TYW1B: variants seen among roughly 807,000 people sequenced by gnomAD.
TYW1B encodes the protein tRNA-yW synthesizing protein 1 homolog B, also known as S-adenosyl-L-methionine-dependent tRNA 4-demethylwyosine synthase TYW1B.
A neutral mutation model predicts 86.9 loss-of-function variants in TYW1B; 73 were observed. The observed-to-expected ratio is 0.84, with a 90% CI of 0.70 to 1.02. The LOEUF (loss-of-function observed/expected upper bound fraction) is 1.02. Ranked by LOEUF, TYW1B falls within the 50% of genes least tolerant of loss-of-function variation. TYW1B has a pLI of 0.00. For missense variants in TYW1B, 637 were observed against 827.4 expected (o/e 0.77, Z 2.82); for synonymous variants, 248 against 292.8 (o/e 0.85, Z 1.56).
chr7:72,719,568 T>C (rs370377108), intron 9 of TYW1B, among the ~76,000 whole-genome samples: 2 of 132,012 alleles, frequency 1.5e-5, no homozygotes, highest in Admixed American at 7.9e-5. Context: ...GAGGCGGAGG[T>C]TGCAGTGAAC....
chr7:72,777,396 C>T lies in TYW1B; in HGVS notation c.964+20G>A, dbSNP rs556748876. ...GCCTAAGACTATAGTCATATAACAA[C>T]AATTCTTGAAGATTTTCACCTTGTT... On this transcript the variant is annotated intron_variant, in intron 7 of 13. Coordinates refer to ENST00000620995, the MANE Select transcript of TYW1B (RefSeq NM_001145440.3). 25 of 1,612,224 alleles carry T rather than the reference C, an allele frequency of 1.6e-5. No individual in the cohort carries two copies. Among genetic ancestry groups the T allele is most frequent in the Non-Finnish European group, 2.0e-5 (24 of 1,178,986 alleles).
At chr7:72,712,873 A>G (rs1554455041) in intron 10 of TYW1B, among the ~76,000 whole-genome samples, 1 of 152,118 alleles carries the variant, frequency 6.6e-6, no homozygotes, top group Non-Finnish European at 1.5e-5. Flanking sequence ...TCTTTCACAC[A>G]TTCTGTGGTC....
chr7:72,714,811 G>A (rs1786747943), intron 9 of TYW1B, among the ~76,000 whole-genome samples: 1 of 152,164 alleles, frequency 6.6e-6, no homozygotes, highest in South Asian at 2.1e-4. Flanking sequence ...CAGCTACTCG[G>A]GAGGCTGAGG....
chr7:72,713,180 A>G (rs1554455137), intron 10 of TYW1B, among the ~76,000 whole-genome samples: 1 of 151,354 alleles, frequency 6.6e-6, no homozygotes, highest in African/African-American at 2.4e-5. Flanking sequence ...AGGCACCTGT[A>G]GACCCAGCTA....
chr7:72,768,258 T>A (rs1344961917), intron 7 of TYW1B, among the ~76,000 whole-genome samples: 15 of 151,544 alleles, frequency 9.9e-5, no homozygotes, highest in African/African-American at 1.7e-4. Flanking sequence ...AAAAAAATTT[T>A]AAAAAATGGC....
At chr7:72,762,785 G>A (rs1266632801) in intron 7 of TYW1B, among the ~76,000 whole-genome samples, 6 of 151,996 alleles carry the variant, frequency 3.9e-5, no homozygotes, top group Admixed American at 3.9e-4. Flanking sequence ...TCAGCCTCCT[G>A]AGTAGCTGGG....
intron 12 of TYW1B, among the ~76,000 whole-genome samples, chr7:72,624,831 G>A (rs1812303744): frequency 6.6e-6 from 1 of 152,160 alleles, no homozygotes; most frequent in South Asian, 2.1e-4. Flanking sequence ...GCCAAGGCGG[G>A]TGGATCACCT....
intron 13 of TYW1B, among the ~76,000 whole-genome samples, chr7:72,598,229 C>T (rs1227453250): frequency 6.6e-6 from 1 of 152,162 alleles, no homozygotes; most frequent in Admixed American, 6.6e-5. Flanking sequence ...GCCTCCCACC[C>T]TACATCTCTC....
chr7:72,764,215 C>G (rs1413366562), intron 7 of TYW1B, among the ~76,000 whole-genome samples: 2 of 152,164 alleles, frequency 1.3e-5, no homozygotes, highest in Non-Finnish European at 2.9e-5. Context: ...TGTTACTGTT[C>G]TGAATTATTC....
intron 12 of TYW1B, among the ~76,000 whole-genome samples, chr7:72,627,505 CATA>C (rs1554439084): frequency 6.6e-4 from 94 of 141,428 alleles, no homozygotes; most frequent in African/African-American, 2.3e-3. Context: ...CATAACATAA[CATA>C]ACATAAATAA....
intron 10 of TYW1B, among the ~76,000 whole-genome samples, chr7:72,700,531 CTGG>C (rs1814440842): frequency 6.6e-6 from 1 of 152,060 alleles, no homozygotes; most frequent in Non-Finnish European, 1.5e-5. Context: ...CTTTGATATC[CTGG>C]TTATTTAACA....
chr7:72,694,702 T>C lies in TYW1B; in HGVS notation c.1491A>G (p.Lys497=). The change falls in exon 11 of 14, where the codon AAA becomes AAG. Residue 497 remains lysine, a synonymous_variant. Transcript: ENST00000620995. ...DFWQQFLDSL[K]ALAVKQQRTV... The stretch of plus-strand genomic sequence containing the variant: ...TAATTCTTACCTTGACTGCCAAGGC[T>C]TTTAAACTGTCAAGGAATTGCTGCC... The C allele has an allele frequency of 6.2e-7, 1 of 1,611,608 alleles. No individual in the cohort carries two copies. Among genetic ancestry groups the C allele is most frequent in the Non-Finnish European group, 8.5e-7 (1 of 1,179,422 alleles).
chr7:72,761,467 C>T (rs1178879564), intron 7 of TYW1B, among the ~76,000 whole-genome samples: 2 of 151,680 alleles, frequency 1.3e-5, no homozygotes, highest in African/African-American at 2.4e-5. Flanking sequence ...TTGAGTCAGA[C>T]ATAGTGGCTC....
At chr7:72,613,982 C>T (rs1253829889) in intron 13 of TYW1B, among the ~76,000 whole-genome samples, 7 of 120,556 alleles carry the variant, frequency 5.8e-5, no homozygotes, top group South Asian at 2.8e-4. Flanking sequence ...TCAGAAAAGA[C>T]GATGTGTGCA....
At chr7:72,700,506 C>T (rs1466430021) in intron 10 of TYW1B, among the ~76,000 whole-genome samples, 1 of 152,118 alleles carries the variant, frequency 6.6e-6, no homozygotes, top group Admixed American at 6.6e-5. Context: ...ACAAAGAATG[C>T]ACTTTGTGAT....
At chr7:72,602,257 G>A (rs4478462) in intron 13 of TYW1B, among the ~76,000 whole-genome samples, 32,288 of 151,548 alleles carry the variant, frequency 0.21, 4,106 homozygotes, top group East Asian at 0.55. Context: ...AACAACTCCA[G>A]CGCCGCTATA....
At chr7:72,721,288 T>C (rs528640095) in intron 9 of TYW1B, among the ~76,000 whole-genome samples, 2 of 152,242 alleles carry the variant, frequency 1.3e-5, no homozygotes, top group South Asian at 4.2e-4. Flanking sequence ...GGTCAAATGG[T>C]ATTTCTAGTT....
intron 12 of TYW1B, among the ~76,000 whole-genome samples, chr7:72,623,917 T>G (rs1198339819): frequency 6.6e-6 from 1 of 152,116 alleles, no homozygotes; most frequent in African/African-American, 2.4e-5. Context: ...TTCTCATGCC[T>G]CAGCCTCCTG....
At chr7:72,817,354 G>A (rs1161336781) in intron 2 of TYW1B, among the ~76,000 whole-genome samples, 2 of 151,892 alleles carry the variant, frequency 1.3e-5, no homozygotes, top group Non-Finnish European at 2.9e-5. Context: ...GTTGCAGTGA[G>A]CCGAGATCGT....
Sources: gnomAD v4.1 joint callset for allele counts (sites outside exome capture counted in the v4.1 genomes callset) on GRCh38, gnomAD v4.1.1 for gene constraint, MANE v1.5 for transcripts, NCBI Gene and HGNC (gene_info 2026-07-23, HGNC 2026-07-21) for gene names.